CCDC6: variants seen among roughly 807,000 people sequenced by gnomAD.
CCDC6 encodes coiled-coil domain-containing protein 6.
Under a neutral mutation model 56.6 loss-of-function variants are expected in CCDC6, and 20 were observed. That is an observed-to-expected ratio of 0.35 (90% CI 0.25 to 0.51). CCDC6 has a LOEUF of 0.51. CCDC6 is among the 20% of genes least tolerant of loss of function. CCDC6 has a pLI of 0.95. For missense variants in CCDC6, 367 were observed against 601.1 expected, an observed-to-expected ratio of 0.61 and a Z score of 4.07; for synonymous variants, 241 against 234.4, an observed-to-expected ratio of 1.03 and a Z score of -0.26.
chr10:59,808,686 A>G (rs977460403), intron 5 of CCDC6, among the ~76,000 whole-genome samples: 5 of 152,242 alleles, frequency 3.3e-5, no homozygotes, highest in Non-Finnish European at 7.3e-5. Flanking sequence ...TTTAGGGAAG[A>G]AGGAGGGAGC....
chr10:59,899,446 A>T (rs1385068440), intron 1 of CCDC6, among the ~76,000 whole-genome samples: 2 of 152,222 alleles, frequency 1.3e-5, no homozygotes, highest in Non-Finnish European at 2.9e-5. Context: ...GCAAGGCATG[A>T]TTTAAGGAAA....
intron 1 of CCDC6, among the ~76,000 whole-genome samples, chr10:59,866,866 T>C (rs1290018609): frequency 1.3e-5 from 2 of 152,208 alleles, no homozygotes; most frequent in East Asian, 1.9e-4. Context: ...TGTCAGTGCC[T>C]GAACATCACA....
At chr10:59,832,469 A>G in intron 3 of CCDC6, 56 bp downstream of exon 3, 2 of 1,542,630 alleles carry the variant, frequency 1.3e-6, no homozygotes, top group Admixed American at 4.0e-5. Context: ...TAAAGCTTAA[A>G]AGAACAAGCT....
intron 3 of CCDC6, among the ~76,000 whole-genome samples, chr10:59,826,207 C>T (rs2070786762): frequency 6.6e-6 from 1 of 152,190 alleles, no homozygotes; most frequent in Non-Finnish European, 1.5e-5. Flanking sequence ...ACCAAAACCT[C>T]CTCTTACTCC....
At position 59,844,479 on chromosome 10, in the gene CCDC6, G is replaced by T. The variant is rs182518656; in HGVS notation, c.453+8074C>A. Among the ~76,000 whole-genome samples, 58 of 151,100 alleles carry T rather than the reference G, an allele frequency of 3.8e-4. 1 individual carries two copies. The highest frequency in any genetic ancestry group is 1.4e-3 in the African/African-American group (57 of 41,174). ...GATTTTTAAAGTCCTTGCAGGGCAC[G>T]GTGGCTCATGCCTGTAATCCAGCAC... On this transcript the variant is annotated intron_variant, in intron 2 of 8. Transcript: ENST00000263102.
At position 59,810,334 on chromosome 10, in the gene CCDC6, G is replaced by A. The variant is rs113310706; in HGVS notation, c.847+2301C>T. ...CTGCTTCTTTAGTTCAGCTTTCTCT[G>A]TCCTCACAAAATCAGAAATAGCACT... On this transcript the variant is annotated intron_variant, in intron 5 of 8. Coordinates refer to ENST00000263102, the MANE Select transcript of CCDC6 (RefSeq NM_005436.5). Among the ~76,000 whole-genome samples, 898 of 152,274 alleles carry A rather than the reference G, an allele frequency of 5.9e-3. 4 individuals carry two copies. Among genetic ancestry groups the A allele is most frequent in the Middle Eastern group, 0.014 (4 of 294 alleles).
At position 59,804,201 on chromosome 10, in the gene CCDC6, A is replaced by G. The variant is rs549512671; in HGVS notation, c.1105+219T>C. Among the ~76,000 whole-genome samples the G allele has an allele frequency of 5.8e-3, 876 of 151,944 alleles. 21 individuals are homozygous for G. Among genetic ancestry groups the G allele is most frequent in the East Asian group, 0.022 (112 of 5,170 alleles). On this transcript the variant is annotated intron_variant, in intron 7 of 8. Transcript: ENST00000263102. ...AATTCCTTTTAGATTAAAAAAAAAA[A>G]AAGAAGAAGAAGAGAAACACCAGCT...
At position 59,882,025 on chromosome 10, in the gene CCDC6, GCGGGGAGAAGGAAAGGAAA is replaced by G. The variant is rs1564755792; in HGVS notation, c.303+24078_303+24096del. 2.2e-4 allele frequency among the ~76,000 whole-genome samples: 11 copies of G among 48,968 alleles called. 1 individual carries two copies. The highest frequency in any genetic ancestry group is 6.6e-4 in the South Asian group (1 of 1,516). The allele number at this position is 48,968 out of a possible 152,430, so 32.1% of individuals were successfully genotyped here. On this transcript the variant is annotated intron_variant, in intron 1 of 8. Transcript: ENST00000263102. ...AGCTGGGGAGAAGGAAAGGAAAGCC[GCGGGGAGAAGGAAAGGAAA>G]GCCAGGGGGAGAAGGAAAGGAAAGC... is the stretch of plus-strand genomic sequence containing the variant.
chr10:59,893,321 G>A (rs1254874977), intron 1 of CCDC6, among the ~76,000 whole-genome samples: 6 of 104,598 alleles, frequency 5.7e-5, no homozygotes, highest in Non-Finnish European at 1.6e-4. Flanking sequence ...CTGAGCAGCC[G>A]GGTATGGTGG....
chr10:59,793,774 G>GAAAAA (rs11421511), intron 8 of CCDC6, among the ~76,000 whole-genome samples: 1 of 144,010 alleles, frequency 6.9e-6, no homozygotes, highest in African/African-American at 2.6e-5. Flanking sequence ...ACAGAGTGAG[G>GAAAAA]AAAAAAAAAA....
In CCDC6 at chr10:59,792,888, C is replaced by T; in HGVS notation, c.*29G>A. ...GTAGACGGCTCCATTGGATGAGTCC[C>T]AACTTGAAATTCAGACTAAGCTCAT... On this transcript the variant is annotated 3_prime_UTR_variant, in exon 9 of 9. Coordinates refer to ENST00000263102, the MANE Select transcript of CCDC6 (RefSeq NM_005436.5). 1.2e-6 allele frequency: 2 copies of T among 1,608,348 alleles called. No individual in the cohort carries two copies. Among genetic ancestry groups the T allele is most frequent in the Non-Finnish European group, 1.7e-6 (2 of 1,175,450 alleles).
chr10:59,820,500 C>T (rs1043261844), intron 3 of CCDC6, among the ~76,000 whole-genome samples: 41 of 152,074 alleles, frequency 2.7e-4, no homozygotes, highest in African/African-American at 9.7e-4. Flanking sequence ...AAGGTAAAGC[C>T]TATGAAGTAA....
intron 6 of CCDC6, among the ~76,000 whole-genome samples, chr10:59,805,887 C>T (rs928848501): frequency 2.2e-4 from 34 of 152,092 alleles, no homozygotes; most frequent in African/African-American, 8.2e-4. Context: ...GTTGTTAGTC[C>T]TCTAGATCCA....
intron 2 of CCDC6, among the ~76,000 whole-genome samples, chr10:59,839,555 AG>A: frequency 6.6e-6 from 1 of 152,242 alleles, no homozygotes; most frequent in East Asian, 1.9e-4. Flanking sequence ...TCCTGTTTAT[AG>A]CCCCTCTCCA....
rs1234540258 is a variant in CCDC6 at position 59,882,596 on chromosome 10, GAAGGA to G, written c.303+23521_303+23525del. Among the ~76,000 whole-genome samples the G allele has an allele frequency of 1.9e-3, 79 of 42,380 alleles. 15 individuals are homozygous for G. The highest frequency in any genetic ancestry group is 2.8e-3 in the East Asian group (2 of 720). The allele number at this position is 42,380 out of a possible 152,430, so 27.8% of individuals were successfully genotyped here. A position where few individuals can be genotyped will look rare whatever the true frequency, so the allele number is the denominator to read the frequency against. ...GAGAAGGAAAGGAAAGCCGCGGGGA[GAAGGA>G]AAGGAAAGCCGGCGGGAGAAGGAAA... On this transcript the variant is annotated intron_variant, in intron 1 of 8. Transcript: ENST00000263102.
chr10:59,852,764 A>G (rs371447816), intron 1 of CCDC6, 62 bp from the exon 2 acceptor site: 4 of 1,302,162 alleles, frequency 3.1e-6, no homozygotes, highest in African/African-American at 1.5e-5. Flanking sequence ...CAGGAAATTT[A>G]CTAATTGAAA....
chr10:59,803,104 GA>G (rs1218935421), intron 7 of CCDC6, among the ~76,000 whole-genome samples: 1 of 152,188 alleles, frequency 6.6e-6, no homozygotes, highest in African/African-American at 2.4e-5. Context: ...TCTGAAGAGA[GA>G]TTTAATGGCA....
At chr10:59,805,159 A>G (rs1589035448) in intron 6 of CCDC6, 4 of 152,984 alleles carry the variant, frequency 2.6e-5, no homozygotes, top group Admixed American at 2.6e-4. Flanking sequence ...ATCATCAGGA[A>G]CATCAGCTTA....
chr10:59,789,762 G>A lies in CCDC6; in HGVS notation c.*3155C>T, dbSNP rs1589029905. The stretch of plus-strand genomic sequence containing the variant: ...AGCACAAGTTACTATGCTTTTTCTT[G>A]CCTTATTGGGCATTCTCTAAAAGCA... On this transcript the variant is annotated 3_prime_UTR_variant, in exon 9 of 9. Coordinates refer to ENST00000263102, the MANE Select transcript of CCDC6 (RefSeq NM_005436.5). 4.5e-6 allele frequency: 1 copy of A among 220,984 alleles called. No individual in the cohort carries two copies. Among genetic ancestry groups the A allele is most frequent in the Admixed American group, 5.8e-5 (1 of 17,332 alleles). The allele number at this position is 220,984 out of a possible 1,614,324, so 13.7% of individuals were successfully genotyped here.
Sources: allele counts gnomAD v4.1 joint callset (sites outside exome capture counted in the v4.1 genomes callset), GRCh38; gene constraint gnomAD v4.1.1; transcripts MANE v1.5; gene names NCBI Gene and HGNC (gene_info 2026-07-23, HGNC 2026-07-21).